The following CDK5RAP1 variants were observed in gnomAD, a reference collection of about 807,000 sequenced individuals.
CDK5RAP1 encodes CDK5RAP1 mitochondrial tRNA methylthiotransferase.
Under a neutral mutation model 64.5 loss-of-function variants are expected in CDK5RAP1, and 62 were observed. That is an observed-to-expected ratio of 0.96 (90% CI 0.78 to 1.19). The LOEUF is 1.19. Among genes scored for constraint, CDK5RAP1 ranks in the 50% most tolerant of loss-of-function variants. CDK5RAP1 has a pLI of 0.00. For missense variants in CDK5RAP1, 657 were observed against 735.0 expected, an observed-to-expected ratio of 0.89 and a Z score of 1.23; for synonymous variants, 250 against 261.9, an observed-to-expected ratio of 0.95 and a Z score of 0.44.
chr20:33,362,658 G>A (rs1336730698), intron 12 of CDK5RAP1, among the ~76,000 whole-genome samples: 2 of 151,882 alleles, frequency 1.3e-5, no homozygotes, highest in Non-Finnish European at 2.9e-5. Flanking sequence ...AATGATTTAG[G>A]GATACAAAAG....
chr20:33,394,730 ATCT>A (rs1159439507), intron 3 of CDK5RAP1, among the ~76,000 whole-genome samples: 1 of 152,018 alleles, frequency 6.6e-6, no homozygotes, highest in Non-Finnish European at 1.5e-5. Flanking sequence ...TAACTTTTTC[ATCT>A]TCTGCAACTA....
intron 2 of CDK5RAP1, among the ~76,000 whole-genome samples, chr20:33,395,526 GGA>G (rs1415404382): frequency 6.6e-6 from 1 of 151,902 alleles, no homozygotes; most frequent in East Asian, 1.9e-4. Context: ...CTCGAGCCCA[GGA>G]GACTGAGGCT....
At chr20:33,380,348 C>T (rs866469274) in intron 7 of CDK5RAP1, among the ~76,000 whole-genome samples, 2 of 152,192 alleles carry the variant, frequency 1.3e-5, no homozygotes, top group African/African-American at 4.8e-5. Context: ...CTGCCTCAGC[C>T]TCCCAAGTAG....
rs1047703042 is a variant in CDK5RAP1, at chr20:33,358,883, C to T, written c.*160G>A. 3 of 605,660 alleles carry T rather than the reference C, an allele frequency of 5.0e-6. No homozygotes were observed. Among genetic ancestry groups the T allele is most frequent in the Admixed American group, 5.9e-5 (2 of 33,728 alleles). 37.5% of individuals were successfully genotyped at this position (605,660 alleles called of 1,614,324 possible). On this transcript the variant is annotated 3_prime_UTR_variant, in exon 14 of 14. Coordinates refer to ENST00000346416, the MANE Select transcript of CDK5RAP1 (RefSeq NM_016408.4). ...ATTTAATGACTGTAAAAGCTGTTCA[C>T]ATAGCAGCTTTAAAGAGACACGTTT...
At chr20:33,370,468 G>T (rs1156375015) in intron 11 of CDK5RAP1, 31 bp downstream of exon 11, 1 of 1,612,674 alleles carries the variant, frequency 6.2e-7, no homozygotes, top group Non-Finnish European at 8.5e-7. Flanking sequence ...GGTCAGGAAT[G>T]ATGTCAGTCC....
At position 33,370,649 on chromosome 20, in the gene CDK5RAP1, A is replaced by T. The variant is rs746138461; in HGVS notation, c.1262-20T>A. 1.9e-6 allele frequency: 3 copies of T among 1,613,984 alleles called. No homozygotes were observed. Among genetic ancestry groups the T allele is most frequent in the South Asian group, 2.2e-5 (2 of 91,054 alleles). ...TCACACCTGTGATACACAGCAAAGG[A>T]TGACAGGTGACTGCCTGCTGTTTAC... On this transcript the variant is annotated intron_variant, in intron 10 of 13. Coordinates refer to ENST00000346416, the MANE Select transcript of CDK5RAP1 (RefSeq NM_016408.4).
chr20:33,394,655 C>A (rs1273693525), intron 3 of CDK5RAP1, among the ~76,000 whole-genome samples: 6 of 151,928 alleles, frequency 3.9e-5, no homozygotes, highest in Admixed American at 3.9e-4. Flanking sequence ...ACATTTTAAC[C>A]ATTTTTAAGG....
intron 3 of CDK5RAP1, among the ~76,000 whole-genome samples, chr20:33,394,756 CG>C (rs1223763099): frequency 6.6e-6 from 1 of 152,180 alleles, no homozygotes; most frequent in African/African-American, 2.4e-5. Context: ...ACCCTGTACT[CG>C]TTAAACAGTA....
intron 5 of CDK5RAP1, among the ~76,000 whole-genome samples, chr20:33,388,586 C>G (rs1279256931): frequency 3.9e-5 from 5 of 129,386 alleles, no homozygotes; most frequent in African/African-American, 5.7e-5. Flanking sequence ...CTCTCCCTCT[C>G]TCCTTCTCCC....
At chr20:33,360,231 G>T in intron 13 of CDK5RAP1, 120 bp downstream of exon 13, 1 of 908,078 alleles carries the variant, frequency 1.1e-6, no homozygotes, top group Non-Finnish European at 1.7e-6. Context: ...CCATTGTACT[G>T]GTTGAGAGGG....
intron 11 of CDK5RAP1, among the ~76,000 whole-genome samples, chr20:33,370,177 G>T (rs1984741626): frequency 6.6e-6 from 1 of 152,134 alleles, no homozygotes; most frequent in Admixed American, 6.6e-5. Context: ...GACCAAAAAG[G>T]AGTTCTGCAT....
Position 33,387,312 on chromosome 20 carries a change from C to G in CDK5RAP1, c.755+11G>C. The G allele has an allele frequency of 1.2e-6, 2 of 1,602,212 alleles. No individual in the cohort carries two copies. The highest frequency in any genetic ancestry group is 2.2e-5 in the South Asian group (2 of 90,802). On this transcript the variant is annotated intron_variant, in intron 6 of 13. Coordinates refer to ENST00000346416, the MANE Select transcript of CDK5RAP1 (RefSeq NM_016408.4). Reference sequence around the variant, plus strand: ...AGAGGCTTATTCCCTATCTCTTAGGCAGTGACTCACACAAAGGCAGACGTG... The same window carrying G: ...AGAGGCTTATTCCCTATCTCTTAGGGAGTGACTCACACAAAGGCAGACGTG...
intron 7 of CDK5RAP1, among the ~76,000 whole-genome samples, chr20:33,384,718 A>G (rs900694320): frequency 6.6e-6 from 1 of 152,174 alleles, no homozygotes; most frequent in African/African-American, 2.4e-5. Flanking sequence ...CCTGGGCAGC[A>G]TAGTGAGACC....
At chr20:33,381,778 G>T (rs1310873742) in intron 7 of CDK5RAP1, among the ~76,000 whole-genome samples, 1 of 151,996 alleles carries the variant, frequency 6.6e-6, no homozygotes, top group Non-Finnish European at 1.5e-5. Context: ...TCCCAATCGA[G>T]GACCGTGCGA....
chr20:33,391,249 TAAAAAAAAAA>T (rs60730257), intron 5 of CDK5RAP1, among the ~76,000 whole-genome samples: 7 of 107,366 alleles, frequency 6.5e-5, no homozygotes, highest in Non-Finnish European at 1.1e-4. Context: ...ACTCTGTTTT[TAAAAAAAAAA>T]AAAAAAAAAA....
intron 2 of CDK5RAP1, 22 bp downstream of exon 2, chr20:33,396,739 G>C (rs778548341): frequency 4.4e-6 from 7 of 1,574,982 alleles, no homozygotes; most frequent in Admixed American, 1.7e-5. Context: ...AAGCCCAAAG[G>C]GATAAGCGAA....
intron 5 of CDK5RAP1, among the ~76,000 whole-genome samples, chr20:33,391,697 G>A (rs996999147): frequency 2.0e-5 from 3 of 152,006 alleles, no homozygotes; most frequent in Non-Finnish European, 4.4e-5. Flanking sequence ...GTGCAAGCCT[G>A]TAATCCCAGC....
In CDK5RAP1 at chr20:33,401,091, G is replaced by A. The variant is rs373532754; in HGVS notation, c.-21+337C>T. On this transcript the variant is annotated intron_variant, in intron 1 of 13. Transcript: ENST00000346416. ...AACATCCCAAACATTTTATTGGCTG[G>A]TTACAATGCGTTAGGCATGGTGCAA... Among the ~76,000 whole-genome samples, 8 of 152,316 alleles carry A rather than the reference G, an allele frequency of 5.3e-5. No individual in the cohort carries two copies. The South Asian group carries it at 8.3e-4, about 16-fold the overall frequency.
chr20:33,359,236 C>T (rs1253099683), intron 13 of CDK5RAP1, 113 bp from the exon 14 acceptor site: 2 of 739,486 alleles, frequency 2.7e-6, no homozygotes, highest in Non-Finnish European at 4.6e-6. Context: ...AGGCGACCGG[C>T]TGGCAGAGAC....
Sources: gnomAD v4.1 joint callset for allele counts (sites outside exome capture counted in the v4.1 genomes callset) on GRCh38, gnomAD v4.1.1 for gene constraint, MANE v1.5 for transcripts, NCBI Gene and HGNC (gene_info 2026-07-23, HGNC 2026-07-21) for gene names.